Variants in RHBDL2 observed in about 807,000 individuals in gnomAD.
The protein encoded by RHBDL2 is rhomboid-related protein 2.
Under a neutral mutation model 31.7 loss-of-function variants are expected in RHBDL2, and 26 were observed. That is an observed-to-expected ratio of 0.82 (90% CI 0.60 to 1.14). RHBDL2 has a LOEUF of 1.14. RHBDL2 is among the 50% of genes most tolerant of loss of function. The probability of loss-of-function intolerance (pLI) is 0.00; values close to 1 mark genes in which losing one functional copy is unlikely to be tolerated. For synonymous variants in RHBDL2, 123 were observed against 127.2 expected (o/e 0.97, Z 0.22); for missense variants, 336 against 364.4 (o/e 0.92, Z 0.63).
chr1:38,903,951 A>G (rs1643028077), intron 4 of RHBDL2, among the ~76,000 whole-genome samples: 2 of 152,206 alleles, frequency 1.3e-5, no homozygotes, highest in African/African-American at 4.8e-5. Context: ...TACAAAAGCA[A>G]TTTGTATTTT....
intron 1 of RHBDL2, among the ~76,000 whole-genome samples, chr1:38,936,115 C>G (rs1407477899): frequency 1.3e-5 from 2 of 152,140 alleles, no homozygotes; most frequent in African/African-American, 4.8e-5. Flanking sequence ...ATTACCCAGG[C>G]TGGATTCAAA....
intron 3 of RHBDL2, 95 bp downstream of exon 3, chr1:38,915,467 A>T: frequency 7.9e-7 from 1 of 1,271,880 alleles, no homozygotes; most frequent in Non-Finnish European, 1.1e-6. Flanking sequence ...TATGGACATG[A>T]AAGTGCCTTA....
intron 1 of RHBDL2, among the ~76,000 whole-genome samples, chr1:38,932,574 C>T (rs1643449620): frequency 6.6e-6 from 1 of 152,200 alleles, no homozygotes; most frequent in Non-Finnish European, 1.5e-5. Flanking sequence ...ACTCTTGTGC[C>T]TCAGCCTCCC....
intron 1 of RHBDL2, among the ~76,000 whole-genome samples, chr1:38,940,383 A>G (rs74582779): frequency 0.011 from 1,670 of 151,300 alleles, 31 homozygotes; most frequent in African/African-American, 0.038. Flanking sequence ...TTTTTATTTT[A>G]TTTTTTAAAG....
intron 1 of RHBDL2, among the ~76,000 whole-genome samples, chr1:38,936,731 C>T (rs1252473910): frequency 6.6e-6 from 1 of 151,850 alleles, no homozygotes; most frequent in Admixed American, 6.6e-5. Context: ...AACTCCTGAC[C>T]TCAGGTGATC....
At chr1:38,904,788 T>G (rs1643040471) in intron 4 of RHBDL2, among the ~76,000 whole-genome samples, 3 of 149,800 alleles carry the variant, frequency 2.0e-5, no homozygotes, top group Admixed American at 2.0e-4. Flanking sequence ...TCCCAGCACT[T>G]TGGGAGGCCG....
At chr1:38,931,892 C>G (rs545135134) in intron 1 of RHBDL2, among the ~76,000 whole-genome samples, 1 of 152,240 alleles carries the variant, frequency 6.6e-6, no homozygotes, top group Admixed American at 6.5e-5. Flanking sequence ...AAAGACGGAG[C>G]ATATAATTTG....
chr1:38,933,836 C>A (rs981821479), intron 1 of RHBDL2, among the ~76,000 whole-genome samples: 1 of 151,190 alleles, frequency 6.6e-6, no homozygotes, highest in African/African-American at 2.4e-5. Context: ...TCAAGCAATT[C>A]TCCTGCCTTA....
chr1:38,936,119 A>G (rs1485560153), intron 1 of RHBDL2, among the ~76,000 whole-genome samples: 1 of 152,026 alleles, frequency 6.6e-6, no homozygotes. Context: ...CCCAGGCTGG[A>G]TTCAAACTCC....
chr1:38,895,575 G>T (rs1642907821), intron 5 of RHBDL2, among the ~76,000 whole-genome samples: 1 of 152,174 alleles, frequency 6.6e-6, no homozygotes, highest in Admixed American at 6.5e-5. Flanking sequence ...AGGCCAACGT[G>T]GGCAGATCGC....
intron 1 of RHBDL2, among the ~76,000 whole-genome samples, chr1:38,924,143 C>T (rs1368511175): frequency 2.0e-5 from 3 of 152,102 alleles, no homozygotes; most frequent in Non-Finnish European, 4.4e-5. Context: ...GGTGGCCTCC[C>T]CATGTTGTCC....
chr1:38,934,616 G>A lies in RHBDL2; in HGVS notation c.-126+7066C>T, dbSNP rs185042947. Among the ~76,000 whole-genome samples the A allele has an allele frequency of 1.7e-3, 241 of 140,904 alleles. 1 individual carries two copies. Among genetic ancestry groups the A allele is most frequent in the Middle Eastern group, 9.3e-3 (2 of 214 alleles). The allele number at this position is 140,904 out of a possible 152,430, so 92.4% of individuals were successfully genotyped here. A position where few individuals can be genotyped will look rare whatever the true frequency, so the allele number is the denominator to read the frequency against. ...GGTTGCAGTGAGCAATGCAGAGATCGCGCCACTGCATTCCAGCCTGAGTGA... is the reference window on the plus strand; with the variant it reads ...GGTTGCAGTGAGCAATGCAGAGATCACGCCACTGCATTCCAGCCTGAGTGA... On this transcript the variant is annotated intron_variant, in intron 1 of 7. Coordinates refer to ENST00000372990, the MANE Select transcript of RHBDL2 (RefSeq NM_017821.5).
intron 4 of RHBDL2, among the ~76,000 whole-genome samples, chr1:38,903,840 A>G (rs974017023): frequency 6.6e-6 from 1 of 152,208 alleles, no homozygotes; most frequent in Non-Finnish European, 1.5e-5. Context: ...TAACCAAGAT[A>G]TGTGGTATTG....
intron 1 of RHBDL2, chr1:38,926,146 G>C: frequency 9.2e-7 from 1 of 1,089,860 alleles, no homozygotes. Flanking sequence ...AGCTAGGGCA[G>C]CTTGACCAAT....
In RHBDL2 at chr1:38,912,900, ATATATATATATGTGTGTG is replaced by A. The variant is rs1300398205; in HGVS notation, c.396-1484_396-1467del. On this transcript the variant is annotated intron_variant, in intron 3 of 7. Transcript: ENST00000372990. Reference sequence around the variant, plus strand: ...CCATATACCATATATATATATATATATATATATATATGTGTGTGTGTGTGTGTGTGTGTGTGTGTGTGT... The same window carrying A: ...CCATATACCATATATATATATATATATGTGTGTGTGTGTGTGTGTGTGTGT... 6.8e-3 allele frequency among the ~76,000 whole-genome samples: 671 copies of A among 98,460 alleles called. 4 individuals are homozygous for A. The highest frequency in any genetic ancestry group is 0.011 in the African/African-American group (227 of 21,248). 64.6% of individuals were successfully genotyped at this position (98,460 alleles called of 152,430 possible). A position where few individuals can be genotyped will look rare whatever the true frequency, so the allele number is the denominator to read the frequency against.
intron 1 of RHBDL2, among the ~76,000 whole-genome samples, chr1:38,937,235 C>T (rs999019760): frequency 6.6e-6 from 1 of 152,082 alleles, no homozygotes; most frequent in South Asian, 2.1e-4. Flanking sequence ...CGTGAGCCAC[C>T]GCGCCTGGCC....
intron 1 of RHBDL2, among the ~76,000 whole-genome samples, chr1:38,923,159 A>T (rs1209409960): frequency 1.3e-5 from 2 of 152,184 alleles, no homozygotes; most frequent in Admixed American, 6.6e-5. Context: ...GGTGCAATGT[A>T]TGAGGTATAA....
chr1:38,889,014 T>C (rs749974020), intron 6 of RHBDL2, among the ~76,000 whole-genome samples: 11 of 152,196 alleles, frequency 7.2e-5, no homozygotes, highest in Non-Finnish European at 1.3e-4. Flanking sequence ...AGGGTCTATA[T>C]GGGCCATTGT....
intron 1 of RHBDL2, among the ~76,000 whole-genome samples, chr1:38,932,061 C>T (rs1007262659): frequency 6.6e-6 from 1 of 152,084 alleles, no homozygotes; most frequent in Non-Finnish European, 1.5e-5. Flanking sequence ...CACTTTTGCT[C>T]CTTTGGGAAT....
Sources: allele counts gnomAD v4.1 joint callset (sites outside exome capture counted in the v4.1 genomes callset), GRCh38; gene constraint gnomAD v4.1.1; transcripts MANE v1.5; gene names NCBI Gene and HGNC (gene_info 2026-07-23, HGNC 2026-07-21).